MEI1: variants seen among roughly 807,000 people sequenced by gnomAD.
The protein encoded by MEI1 is meiosis inhibitor protein 1.
In MEI1, 103 loss-of-function variants were observed where a neutral mutation model predicts 146.2. The ratio of observed to expected loss-of-function variants is 0.70; its 90% CI spans 0.60 to 0.83. MEI1 has a LOEUF of 0.83. Among genes scored for constraint, MEI1 ranks in the 40% least tolerant of loss-of-function variants. The pLI is 0.00. For synonymous variants in MEI1, 652 were observed against 628.2 expected (o/e 1.04, Z -0.57); for missense variants, 1,529 against 1,533.0 (o/e 1.00, Z 0.04).
intron 26 of MEI1, among the ~76,000 whole-genome samples, chr22:41,789,026 T>C (rs1483985515): frequency 6.6e-6 from 1 of 152,116 alleles, no homozygotes; most frequent in Non-Finnish European, 1.5e-5. Flanking sequence ...TTTGTATTGG[T>C]AGTAAGGCCA....
At chr22:41,750,580 G>A (rs1029296367) in intron 15 of MEI1, among the ~76,000 whole-genome samples, 2 of 152,078 alleles carry the variant, frequency 1.3e-5, no homozygotes, top group African/African-American at 4.8e-5. Context: ...AAATGGGGGT[G>A]TGAGTAGAGG....
At chr22:41,778,553 A>C (rs1486599727) in intron 21 of MEI1, 155 bp from the exon 22 acceptor site, 1 of 598,550 alleles carries the variant, frequency 1.7e-6, no homozygotes, top group East Asian at 2.8e-5. Context: ...TAAATGAAGA[A>C]AGAAATAGGA....
intron 14 of MEI1, among the ~76,000 whole-genome samples, chr22:41,746,787 C>T (rs1310389652): frequency 1.3e-5 from 2 of 152,088 alleles, no homozygotes; most frequent in African/African-American, 4.8e-5. Flanking sequence ...TCTGCACCAG[C>T]GAGGCTCTCT....
intron 2 of MEI1, 107 bp downstream of exon 2, chr22:41,703,561 G>A: frequency 9.8e-7 from 1 of 1,024,076 alleles, no homozygotes; most frequent in Non-Finnish European, 1.3e-6. Context: ...TTTTTGTATT[G>A]TAATACTTTA....
At chr22:41,771,580 T>C (rs1344221418) in intron 20 of MEI1, among the ~76,000 whole-genome samples, 2 of 149,774 alleles carry the variant, frequency 1.3e-5, no homozygotes, top group African/African-American at 5.0e-5. Flanking sequence ...GGACTACAGG[T>C]GCACGCCACC....
At chr22:41,708,600 G>A (rs1327879475) in intron 3 of MEI1, among the ~76,000 whole-genome samples, 1 of 152,190 alleles carries the variant, frequency 6.6e-6, no homozygotes, top group Non-Finnish European at 1.5e-5. Context: ...CTGATGCTCT[G>A]AACAGGAAAA....
At chr22:41,740,289 A>G (rs1192867784) in intron 11 of MEI1, among the ~76,000 whole-genome samples, 3 of 151,006 alleles carry the variant, frequency 2.0e-5, no homozygotes, top group African/African-American at 7.3e-5. Context: ...AAGTGCTGGG[A>G]TTATAGGCGT....
chr22:41,734,613 A>G (rs1456312839), intron 11 of MEI1, among the ~76,000 whole-genome samples: 1 of 152,094 alleles, frequency 6.6e-6, no homozygotes, highest in African/African-American at 2.4e-5. Flanking sequence ...CAAACAAACA[A>G]TGGAATGTAA....
chr22:41,719,043 C>T (rs1386862786), intron 6 of MEI1, among the ~76,000 whole-genome samples: 3 of 145,376 alleles, frequency 2.1e-5, no homozygotes, highest in South Asian at 2.2e-4. Context: ...ACTGCAGTGG[C>T]GCAATCTTGG....
intron 11 of MEI1, among the ~76,000 whole-genome samples, chr22:41,741,741 T>A (rs1022098985): frequency 4.6e-5 from 7 of 152,152 alleles, no homozygotes; most frequent in African/African-American, 1.7e-4. Flanking sequence ...TTTGAGAGGC[T>A]GAGGCGGCAG....
chr22:41,736,805 C>T (rs1452171343), intron 11 of MEI1, among the ~76,000 whole-genome samples: 1 of 152,144 alleles, frequency 6.6e-6, no homozygotes, highest in Admixed American at 6.6e-5. Context: ...TAGAAAATAA[C>T]ATAGGTTCCT....
chr22:41,743,802 T>G lies in MEI1; in HGVS notation c.1446+608T>G, dbSNP rs2073072715. On this transcript the variant is annotated intron_variant, in intron 12 of 30. Transcript: ENST00000401548. ...TAATGCCCACTAGCCTGTGACAGCT[T>G]TCTGCATATAATAGACCAATAGTCA... 2.0e-5 allele frequency among the ~76,000 whole-genome samples: 3 copies of G among 152,320 alleles called. No individual in the cohort carries two copies. In the South Asian group the frequency reaches 6.2e-4, roughly 32 times the overall value.
At chr22:41,725,708 T>C (rs2071271727) in intron 7 of MEI1, among the ~76,000 whole-genome samples, 1 of 152,238 alleles carries the variant, frequency 6.6e-6, no homozygotes, top group Non-Finnish European at 1.5e-5. Context: ...CCTCTCTTTA[T>C]CTGCTGATAT....
chr22:41,797,984 A>G (rs2076420839), intron 30 of MEI1, among the ~76,000 whole-genome samples: 1 of 152,160 alleles, frequency 6.6e-6, no homozygotes, highest in Admixed American at 6.5e-5. Context: ...AGCTAGTGAT[A>G]CAATCAGGAT....
intron 19 of MEI1, among the ~76,000 whole-genome samples, chr22:41,766,386 G>T (rs2074857105): frequency 6.8e-6 from 1 of 147,954 alleles, no homozygotes; most frequent in Admixed American, 6.8e-5. Context: ...TGGCCAGGCT[G>T]GTCTCGAACT....
rs775585811 is a variant in MEI1 at position 41,699,598 on chromosome 22, G to T, written c.60G>T (p.Ala20=). 1 of 1,612,688 alleles carries T rather than the reference G, an allele frequency of 6.2e-7. No homozygotes were observed. The change falls in exon 1 of 31, where the codon GCG becomes GCT. Residue 20 remains alanine (A), a synonymous_variant. Transcript: ENST00000401548. ...CCGGGCCCAGGAGAGAGGAAGAGGC[G>T]GCGCTTCTATTCGAGAGGGCCCATT... ...GTPGPRREEE[A]ALLFERAHYR...
At chr22:41,746,105 A>G in intron 14 of MEI1, 79 bp downstream of exon 14, 1 of 1,379,378 alleles carries the variant, frequency 7.2e-7, no homozygotes, top group South Asian at 1.6e-5. Context: ...CAGAGGCATA[A>G]GGCAGTGACT....
At chr22:41,741,445 C>A (rs1015192460) in intron 11 of MEI1, among the ~76,000 whole-genome samples, 1 of 152,218 alleles carries the variant, frequency 6.6e-6, no homozygotes, top group African/African-American at 2.4e-5. Flanking sequence ...TGGAACTGGT[C>A]CCTTTCCTCT....
intron 26 of MEI1, among the ~76,000 whole-genome samples, chr22:41,792,584 G>A (rs2076216992): frequency 2.0e-5 from 3 of 152,102 alleles, no homozygotes; most frequent in Admixed American, 2.0e-4. Flanking sequence ...TGAAGGGGCA[G>A]GTCAGTGGCA....
Sources: gnomAD v4.1 joint callset for allele counts (sites outside exome capture counted in the v4.1 genomes callset) on GRCh38, gnomAD v4.1.1 for gene constraint, MANE v1.5 for transcripts, NCBI Gene and HGNC (gene_info 2026-07-23, HGNC 2026-07-21) for gene names.